CADM2: variants seen among roughly 807,000 people sequenced by gnomAD.
CADM2 encodes immunoglobulin superfamily member 4D.
CADM2 carries 12 observed loss-of-function variants against 49.8 expected under a neutral mutation model. The observed-to-expected ratio is 0.24, with a 90% CI of 0.15 to 0.39. The LOEUF is 0.39. Among genes scored for constraint, CADM2 ranks in the 10% least tolerant of loss-of-function variants. The pLI is 1.00. For missense variants in CADM2, 378 were observed against 492.3 expected (o/e 0.77, Z 2.20); for synonymous variants, 214 against 175.4 (o/e 1.22, Z -1.74).
intron 1 of CADM2, among the ~76,000 whole-genome samples, chr3:85,509,393 A>G (rs2040508074): frequency 6.6e-6 from 1 of 152,178 alleles, no homozygotes; most frequent in African/African-American, 2.4e-5. Flanking sequence ...TCATGGTCCA[A>G]ACAATATTGC....
At chr3:85,602,798 A>G (rs544391313) in intron 1 of CADM2, among the ~76,000 whole-genome samples, 9 of 152,006 alleles carry the variant, frequency 5.9e-5, no homozygotes, top group Middle Eastern at 3.4e-3. Context: ...GTGTTCATTC[A>G]TGTTAACTCT....
intron 2 of CADM2, among the ~76,000 whole-genome samples, chr3:85,773,915 G>C (rs995086876): frequency 6.6e-6 from 1 of 151,796 alleles, no homozygotes; most frequent in Non-Finnish European, 1.5e-5. Flanking sequence ...TTTTAATATC[G>C]ATAGACTATT....
At position 85,212,419 on chromosome 3, in the gene CADM2, T is replaced by C. The variant is rs190033928; in HGVS notation, c.61+252751T>C. The stretch of plus-strand genomic sequence containing the variant: ...TCCAGTGGCATGTTTTATTCTTGCT[T>C]TTGATTTTTTATATATCTGTTGAAT... On this transcript the variant is annotated intron_variant, in intron 1 of 9. Transcript: ENST00000383699. Among the ~76,000 whole-genome samples, 273 of 152,282 alleles carry C rather than the reference T, an allele frequency of 1.8e-3. 1 individual carries two copies. Among genetic ancestry groups the C allele is most frequent in the African/African-American group, 6.3e-3 (262 of 41,568 alleles).
chr3:85,575,041 G>C (rs1576842901), intron 1 of CADM2, among the ~76,000 whole-genome samples: 1 of 152,132 alleles, frequency 6.6e-6, no homozygotes, highest in East Asian at 1.9e-4. Context: ...ATTTAGGCAT[G>C]TAATAGTTAG....
chr3:85,035,770 C>T (rs941189919), intron 1 of CADM2, among the ~76,000 whole-genome samples: 2 of 152,042 alleles, frequency 1.3e-5, no homozygotes, highest in Non-Finnish European at 2.9e-5. Flanking sequence ...CTGTTCTGTT[C>T]CATTGGTCTA....
intron 1 of CADM2, among the ~76,000 whole-genome samples, chr3:85,136,491 C>G (rs2039418326): frequency 6.6e-6 from 1 of 151,856 alleles, no homozygotes; most frequent in South Asian, 2.1e-4. Flanking sequence ...CTTTGACATA[C>G]AAACACATAT....
At chr3:85,541,789 A>ATATATATATATATATG (rs1559897779) in intron 1 of CADM2, among the ~76,000 whole-genome samples, 2 of 141,488 alleles carry the variant, frequency 1.4e-5, no homozygotes, top group African/African-American at 5.3e-5. Flanking sequence ...ATATATATAT[A>ATATATATATATATATG]TATATGTATA....
At chr3:86,013,985 A>C (rs1252800618) in intron 8 of CADM2, 1 of 1,472,268 alleles carries the variant, frequency 6.8e-7, no homozygotes. Context: ...TTGCATTAGG[A>C]ACAATTGAAG....
intron 1 of CADM2, among the ~76,000 whole-genome samples, chr3:84,995,757 C>A (rs1212790707): frequency 6.6e-6 from 1 of 152,122 alleles, no homozygotes; most frequent in Non-Finnish European, 1.5e-5. Context: ...TTTGATCATT[C>A]CTCTAGCTTA....
At chr3:85,212,836 T>TTCTC (rs1193357940) in intron 1 of CADM2, among the ~76,000 whole-genome samples, 5 of 105,512 alleles carry the variant, frequency 4.7e-5, no homozygotes, top group Non-Finnish European at 9.2e-5. Flanking sequence ...CTTTCTTTCT[T>TTCTC]TCTTTCTTTC....
At chr3:85,961,367 T>C in intron 7 of CADM2, 102 bp from the exon 8 acceptor site, 1 of 963,286 alleles carries the variant, frequency 1.0e-6, no homozygotes, top group Admixed American at 2.3e-5. Context: ...CATATGGTTG[T>C]GTACAAAATA....
chr3:85,904,499 A>C (rs1687000264), intron 5 of CADM2, among the ~76,000 whole-genome samples: 1 of 152,230 alleles, frequency 6.6e-6, no homozygotes, highest in South Asian at 2.1e-4. Context: ...AGGTTGAATT[A>C]GGGAGAAAGT....
intron 2 of CADM2, among the ~76,000 whole-genome samples, chr3:85,740,822 AGC>A (rs2068349436): frequency 6.6e-6 from 1 of 152,200 alleles, no homozygotes; most frequent in African/African-American, 2.4e-5. Flanking sequence ...GCAGTTCTGT[AGC>A]TTTCCGGCTG....
intron 1 of CADM2, among the ~76,000 whole-genome samples, chr3:85,323,689 A>G (rs975912632): frequency 7.9e-5 from 12 of 152,184 alleles, no homozygotes; most frequent in African/African-American, 2.7e-4. Flanking sequence ...ACAAAATCAT[A>G]TCAATTCTAT....
chr3:85,259,594 A>T (rs903728372), intron 1 of CADM2, among the ~76,000 whole-genome samples: 2 of 152,060 alleles, frequency 1.3e-5, no homozygotes, highest in Non-Finnish European at 2.9e-5. Context: ...ATATGTACAT[A>T]TTTTTACTGC....
At chr3:85,243,123 G>A (rs2042568222) in intron 1 of CADM2, among the ~76,000 whole-genome samples, 1 of 151,722 alleles carries the variant, frequency 6.6e-6, no homozygotes, top group Non-Finnish European at 1.5e-5. Flanking sequence ...CATTTGAAAA[G>A]AAAGTAAATT....
At chr3:85,960,362 A>T (rs1250984802) in intron 7 of CADM2, among the ~76,000 whole-genome samples, 1 of 151,958 alleles carries the variant, frequency 6.6e-6, no homozygotes, top group African/African-American at 2.4e-5. Flanking sequence ...AATTTAACAA[A>T]GCTTTTGAGA....
At chr3:85,297,088 C>G (rs1182361723) in intron 1 of CADM2, among the ~76,000 whole-genome samples, 1 of 151,966 alleles carries the variant, frequency 6.6e-6, no homozygotes, top group Non-Finnish European at 1.5e-5. Context: ...TCCACACTAC[C>G]TTGTTTATAA....
rs531727899 is a variant in CADM2, at chr3:86,064,729, C to T, written c.971-876C>T. Reference sequence around the variant, plus strand: ...TACCACCTCACACCAGTTAGAATGGCGATCATTAAAATGACCTTTTCATTT... The same window carrying T: ...TACCACCTCACACCAGTTAGAATGGTGATCATTAAAATGACCTTTTCATTT... On this transcript the variant is annotated intron_variant, in intron 8 of 9. Transcript: ENST00000383699. 4.6e-5 allele frequency among the ~76,000 whole-genome samples: 7 copies of T among 152,252 alleles called. No individual in the cohort carries two copies. In the South Asian group the frequency reaches 1.0e-3, roughly 23 times the overall value.
Sources: allele counts gnomAD v4.1 joint callset (sites outside exome capture counted in the v4.1 genomes callset), GRCh38; gene constraint gnomAD v4.1.1; transcripts MANE v1.5; gene names NCBI Gene and HGNC (gene_info 2026-07-23, HGNC 2026-07-21).